Variants in HPCAL1 observed in about 807,000 individuals in gnomAD.
HPCAL1 encodes the protein hippocalcin-like protein 1.
In HPCAL1, 8 loss-of-function variants were observed where a neutral mutation model predicts 17.1. The ratio of observed to expected loss-of-function variants is 0.47; its 90% CI spans 0.27 to 0.84. HPCAL1 has a LOEUF of 0.84. HPCAL1 is among the 40% of genes least tolerant of loss of function. The probability of loss-of-function intolerance (pLI) is 0.13; values close to 1 mark genes in which losing one functional copy is unlikely to be tolerated. For synonymous variants in HPCAL1, 112 were observed against 111.4 expected (o/e 1.01, Z -0.03); for missense variants, 165 against 271.1 (o/e 0.61, Z 2.75).
Position 10,304,982 on chromosome 2 carries a change from A to G in HPCAL1, c.-111+1805A>G, listed in dbSNP as rs1662528117. Among the ~76,000 whole-genome samples, 1 of 152,176 alleles carries G rather than the reference A, an allele frequency of 6.6e-6. No homozygotes were observed. The highest frequency in any genetic ancestry group is 6.5e-5 in the Admixed American group (1 of 15,278). On this transcript the variant is annotated intron_variant, in intron 1 of 4. Transcript: ENST00000307845. This position sits in a 1 kb window ranked among gnomAD's most constrained non-coding sequence, Gnocchi z 4.1. ...GCTGCTTTGCGGGCTTTTAGGAGCCAGGGATAGAAACCTGGTCCGGTTCCT... is the reference window on the plus strand; with the variant it reads ...GCTGCTTTGCGGGCTTTTAGGAGCCGGGGATAGAAACCTGGTCCGGTTCCT...
chr2:10,355,177 C>T (rs930351945), intron 1 of HPCAL1, among the ~76,000 whole-genome samples: 13 of 152,064 alleles, frequency 8.5e-5, no homozygotes, highest in South Asian at 4.1e-4. Flanking sequence ...CGGGGCCGGG[C>T]GCGGTGGCTC....
At position 10,355,450 on chromosome 2, in the gene HPCAL1, CAAAAAAAAAAAAAAAAAAAAA is replaced by C. The variant is rs34600690; in HGVS notation, c.-110-41373_-110-41353del. Among the ~76,000 whole-genome samples the C allele has an allele frequency of 1.9e-4, 6 of 32,208 alleles. No homozygotes were observed. The East Asian group carries it at 7.0e-3, about 38-fold the overall frequency. The allele number at this position is 32,208 out of a possible 152,430, so 21.1% of individuals were successfully genotyped here. The stretch of plus-strand genomic sequence containing the variant: ...TGGGCGACAGAGCGAGACTCCGTCT[CAAAAAAAAAAAAAAAAAAAAA>C]AAAAAAAAAAAGAGTTTAACGGGAC... On this transcript the variant is annotated intron_variant, in intron 1 of 4. Coordinates refer to ENST00000307845, the MANE Select transcript of HPCAL1 (RefSeq NM_002149.4).
intron 1 of HPCAL1, among the ~76,000 whole-genome samples, chr2:10,378,563 A>G (rs1457556046): frequency 6.6e-6 from 1 of 152,096 alleles, no homozygotes; most frequent in African/African-American, 2.4e-5. Context: ...AGAGCAAACT[A>G]TAGTCTCTTC....
chr2:10,401,287 T>C (rs892230511), intron 2 of HPCAL1, among the ~76,000 whole-genome samples: 5 of 152,210 alleles, frequency 3.3e-5, no homozygotes, highest in Non-Finnish European at 5.9e-5. Context: ...ACAGCCCAGA[T>C]TACACGTTTT....
chr2:10,342,910 C>T lies in HPCAL1; in HGVS notation c.-111+39733C>T, dbSNP rs1195531915. ...CTCTCCCCGCTGCCTTCCCCCGGCC[C>T]CTTTTTGGACAGGATGTTGCTCCCT... On this transcript the variant is annotated intron_variant, in intron 1 of 4. Transcript: ENST00000307845. This position sits in a 1 kb window ranked among gnomAD's most constrained non-coding sequence, Gnocchi z 4.1. Among the ~76,000 whole-genome samples, 1 of 152,178 alleles carries T rather than the reference C, an allele frequency of 6.6e-6. No homozygotes were observed. The highest frequency in any genetic ancestry group is 1.5e-5 in the Non-Finnish European group (1 of 68,034).
At chr2:10,339,731 G>A (rs1195021093) in intron 1 of HPCAL1, among the ~76,000 whole-genome samples, 1 of 152,208 alleles carries the variant, frequency 6.6e-6, no homozygotes, top group Non-Finnish European at 1.5e-5. Context: ...TTACAGATGG[G>A]GAAATTGAGG....
At chr2:10,316,517 G>C (rs1490118205) in intron 1 of HPCAL1, among the ~76,000 whole-genome samples, 1 of 152,170 alleles carries the variant, frequency 6.6e-6, no homozygotes, top group Non-Finnish European at 1.5e-5. Flanking sequence ...GGCCATGCCT[G>C]ACTTTCAATG....
chr2:10,345,283 A>G (rs10197851), intron 1 of HPCAL1, among the ~76,000 whole-genome samples: 77,821 of 151,838 alleles, frequency 0.51, 21,733 homozygotes, highest in African/African-American at 0.75. Flanking sequence ...CAGGAGTGAT[A>G]ATACTGTACT....
rs1043770820 is a variant in HPCAL1, at chr2:10,365,944, G to A, written c.-110-30891G>A. 2.6e-5 allele frequency among the ~76,000 whole-genome samples: 4 copies of A among 152,184 alleles called. No individual in the cohort carries two copies. The highest frequency in any genetic ancestry group is 5.9e-5 in the Non-Finnish European group (4 of 68,036). Reference sequence around the variant, plus strand: ...TACGTGATATAGACCAGGGATGCACGCCTCATGAGGAGACGCTCACTCCCC... The same window carrying A: ...TACGTGATATAGACCAGGGATGCACACCTCATGAGGAGACGCTCACTCCCC... On this transcript the variant is annotated intron_variant, in intron 1 of 4. Transcript: ENST00000307845. The surrounding 1 kb of genome is among the most constrained non-coding windows in gnomAD (Gnocchi z 4.8).
intron 1 of HPCAL1, among the ~76,000 whole-genome samples, chr2:10,385,700 G>T (rs912283829): frequency 6.6e-6 from 1 of 152,210 alleles, no homozygotes; most frequent in Middle Eastern, 3.2e-3. Context: ...GACGGCTGCT[G>T]TGGGAACCCA....
chr2:10,364,631 C>T (rs1204992143), intron 1 of HPCAL1, among the ~76,000 whole-genome samples: 1 of 151,402 alleles, frequency 6.6e-6, no homozygotes, highest in African/African-American at 2.4e-5. Flanking sequence ...GTCACCCAGG[C>T]TGGAGTGCGG....
Position 10,427,189 on chromosome 2 carries a change from G to C in HPCAL1, c.*368G>C, listed in dbSNP as rs11883652. The C allele has an allele frequency of 0.016, 3,849 of 236,412 alleles. 156 individuals carry two copies. Among genetic ancestry groups the C allele is most frequent in the African/African-American group, 0.081 (3,588 of 44,500 alleles). 14.6% of individuals were successfully genotyped at this position (236,412 alleles called of 1,614,324 possible). ...CGGCCCATGCGTTTTGTGATCCCAA[G>C]TGACTCTGTGGGAAGGGTGGGGACG... On this transcript the variant is annotated 3_prime_UTR_variant, in exon 5 of 5. Coordinates refer to ENST00000307845, the MANE Select transcript of HPCAL1 (RefSeq NM_002149.4).
chr2:10,361,716 A>ATT (rs199534306), intron 1 of HPCAL1, among the ~76,000 whole-genome samples: 44 of 142,666 alleles, frequency 3.1e-4, no homozygotes, highest in Non-Finnish European at 4.2e-4. Context: ...AACTTCTTAA[A>ATT]TTTTTTTTTT....
intron 1 of HPCAL1, among the ~76,000 whole-genome samples, chr2:10,357,555 T>G (rs948567197): frequency 3.9e-5 from 6 of 152,248 alleles, no homozygotes; most frequent in Admixed American, 3.3e-4. Context: ...CAGCGTTTCC[T>G]CCGCGGAGTG....
chr2:10,408,262 G>GTCTCTC (rs112759274), intron 2 of HPCAL1, among the ~76,000 whole-genome samples: 10 of 151,388 alleles, frequency 6.6e-5, no homozygotes, highest in African/African-American at 1.2e-4. Context: ...GCCCTGCTGG[G>GTCTCTC]TCTCTCTCTC....
Position 10,394,299 on chromosome 2 carries a change from G to A in HPCAL1, c.-110-2536G>A, listed in dbSNP as rs978136443. ...CAGTTGAGAATGAGCTCTCTGCCAG[G>A]CCGGTAGGAAGGGGATGATGAAATG... is the stretch of plus-strand genomic sequence containing the variant. On this transcript the variant is annotated intron_variant, in intron 1 of 4. Transcript: ENST00000307845. This position sits in a 1 kb window ranked among gnomAD's most constrained non-coding sequence, Gnocchi z 5.0. Among the ~76,000 whole-genome samples, 1 of 152,144 alleles carries A rather than the reference G, an allele frequency of 6.6e-6. No homozygotes were observed. The highest frequency in any genetic ancestry group is 1.5e-5 in the Non-Finnish European group (1 of 68,030).
chr2:10,414,958 A>G (rs1412029526), intron 2 of HPCAL1, among the ~76,000 whole-genome samples: 1 of 152,242 alleles, frequency 6.6e-6, no homozygotes, highest in Non-Finnish European at 1.5e-5. Context: ...GCTGGCTGCA[A>G]GAACGCCACA....
chr2:10,402,766 G>A (rs1393980332), intron 2 of HPCAL1, among the ~76,000 whole-genome samples: 1 of 152,144 alleles, frequency 6.6e-6, no homozygotes, highest in African/African-American at 2.4e-5. Flanking sequence ...TTTGACGGGT[G>A]TGCTGGTGTG....
intron 1 of HPCAL1, among the ~76,000 whole-genome samples, chr2:10,346,772 C>A (rs1665486148): frequency 6.6e-6 from 1 of 151,936 alleles, no homozygotes; most frequent in Non-Finnish European, 1.5e-5. Flanking sequence ...CTTCTCACTT[C>A]TCTCCCCTTC....
Sources: allele counts gnomAD v4.1 joint callset (sites outside exome capture counted in the v4.1 genomes callset), GRCh38; gene constraint gnomAD v4.1.1; non-coding constraint Gnocchi (gnomAD v3.1); transcripts MANE v1.5; gene names NCBI Gene and HGNC (gene_info 2026-07-23, HGNC 2026-07-21).